The following SUPV3L1 variants were observed in gnomAD, a reference collection of about 807,000 sequenced individuals.
SUPV3L1 encodes ATP-dependent RNA helicase SUPV3L1, mitochondrial.
A neutral mutation model predicts 70.0 loss-of-function variants in SUPV3L1; 35 were observed. That is an observed-to-expected ratio of 0.50 (90% confidence interval 0.38 to 0.66). SUPV3L1 has a LOEUF of 0.66. Among genes scored for constraint, SUPV3L1 ranks in the 30% least tolerant of loss-of-function variants. The probability of loss-of-function intolerance (pLI) is 0.00; values close to 1 mark genes in which losing one functional copy is unlikely to be tolerated. For synonymous variants in SUPV3L1, 364 were observed against 341.9 expected, an observed-to-expected ratio of 1.06 and a Z score of -0.71; for missense variants, 777 against 961.5, an observed-to-expected ratio of 0.81 and a Z score of 2.54.
intron 4 of SUPV3L1, among the ~76,000 whole-genome samples, chr10:69,188,245 CCTT>C (rs1338786738): frequency 2.0e-5 from 3 of 152,322 alleles, no homozygotes; most frequent in South Asian, 2.1e-4. Flanking sequence ...TCTGGGCTCT[CCTT>C]CTATGCACCC....
intron 6 of SUPV3L1, 66 bp from the exon 7 acceptor site, chr10:69,195,122 G>A (rs1842507584): frequency 3.1e-6 from 4 of 1,302,208 alleles, no homozygotes; most frequent in African/African-American, 3.0e-5. Flanking sequence ...GAATTTTGGT[G>A]TTGGAATTTG....
Position 69,180,638 on chromosome 10 carries a change from C to T in SUPV3L1, c.271+76C>T. 3 of 1,560,668 alleles carry T rather than the reference C, an allele frequency of 1.9e-6. No homozygotes were observed. In the Admixed American group the frequency reaches 5.4e-5, roughly 28 times the overall value. On this transcript the variant is annotated intron_variant, in intron 1 of 14. Transcript: ENST00000359655. The stretch of plus-strand genomic sequence containing the variant: ...AGGCTGGTTGGGAGGAAGCTACATC[C>T]CCTTCCCCTGGGGATCCGAGGTCCC...
rs549656860 is a variant in SUPV3L1 at position 69,185,595 on chromosome 10, G to A, written c.272-392G>A. On this transcript the variant is annotated intron_variant, in intron 1 of 14. Coordinates refer to ENST00000359655, the MANE Select transcript of SUPV3L1 (RefSeq NM_003171.5). ...CGGCTCACTGCAAGCTCCGCCTCCCGGGTTCATGCCATTCTCCTGCCTCAG... is the reference window on the plus strand; with the variant it reads ...CGGCTCACTGCAAGCTCCGCCTCCCAGGTTCATGCCATTCTCCTGCCTCAG... Among the ~76,000 whole-genome samples the A allele has an allele frequency of 8.7e-5, 13 of 149,664 alleles. No homozygotes were observed. The South Asian group carries it at 2.1e-3, about 24-fold the overall frequency.
intron 3 of SUPV3L1, chr10:69,187,341 CTTTTTTTTTTTTTTT>C: frequency 1.3e-5 from 1 of 79,600 alleles, no homozygotes; most frequent in Non-Finnish European, 2.2e-5. Flanking sequence ...TCTTTTCTTC[CTTTTTTTTTTTTTTT>C]TTTTTTTTTT....
At chr10:69,186,107 T>C (rs1367889178) in intron 2 of SUPV3L1, 43 bp downstream of exon 2, 7 of 1,535,240 alleles carry the variant, frequency 4.6e-6, no homozygotes, top group Non-Finnish European at 6.3e-6. Context: ...TATTACCTCT[T>C]ACGGTACAGC....
rs201953351 is a variant in SUPV3L1 at position 69,208,808 on chromosome 10, G to A, written c.2134G>A (p.Gly712Ser). 36 of 1,614,010 alleles carry A rather than the reference G, an allele frequency of 2.2e-5. No individual in the cohort carries two copies. The highest frequency in any genetic ancestry group is 8.3e-5 in the Admixed American group (5 of 59,998). ...AAAGAGCCAAGCTAGAAGGACACGC[G>A]GCACCAAAGCTCTAGGGAGTAAAGC... Reference protein sequence around the residue: ...TLKSQARRTRGTKALGSKATE... With the variant: ...TLKSQARRTRSTKALGSKATE... The change falls in exon 15 of 15, where the codon GGC becomes AGC. Residue 712 changes from glycine to serine, a missense_variant. Gly to Ser is a moderately conservative substitution (Grantham distance 56, BLOSUM62 0). Transcript: ENST00000359655.
chr10:69,183,475 T>C (rs1842124508), intron 1 of SUPV3L1, among the ~76,000 whole-genome samples: 1 of 152,158 alleles, frequency 6.6e-6, no homozygotes, highest in Admixed American at 6.5e-5. Flanking sequence ...GCCCAGGAGC[T>C]CAAGACGAGC....
chr10:69,207,379 C>T (rs563560494), intron 13 of SUPV3L1, among the ~76,000 whole-genome samples: 1 of 152,310 alleles, frequency 6.6e-6, no homozygotes, highest in Non-Finnish European at 1.5e-5. Context: ...GTGGCACGAT[C>T]ATGGCGCACT....
At chr10:69,180,842 T>G (rs79119201) in intron 1 of SUPV3L1, among the ~76,000 whole-genome samples, 2,654 of 152,320 alleles carry the variant, frequency 0.017, 82 homozygotes, top group African/African-American at 0.06. Context: ...AAGATTTGAC[T>G]TTTTTGAGTT....
rs368785615 is a variant in SUPV3L1, at chr10:69,191,875, C to T, written c.853+109C>T. 1,594 of 706,390 alleles carry T rather than the reference C, an allele frequency of 2.3e-3. 17 individuals are homozygous for T. In the African/African-American group the frequency reaches 0.025, roughly 11 times the overall value. The allele number at this position is 706,390 out of a possible 1,614,324, so 43.8% of individuals were successfully genotyped here. A position where few individuals can be genotyped will look rare whatever the true frequency, so the allele number is the denominator to read the frequency against. ...AGGCTGGAATGCAATGGTACTATCT[C>T]GGCTCACTGCGACCTCTGCCTCCCC... On this transcript the variant is annotated intron_variant, in intron 6 of 14. Coordinates refer to ENST00000359655, the MANE Select transcript of SUPV3L1 (RefSeq NM_003171.5).
intron 9 of SUPV3L1, 30 bp from the exon 10 acceptor site, chr10:69,199,074 C>G: frequency 6.4e-7 from 1 of 1,555,544 alleles, no homozygotes; most frequent in Non-Finnish European, 8.8e-7. Context: ...ACTGAGAACA[C>G]TGATTTAACA....
chr10:69,198,525 G>C lies in SUPV3L1; in HGVS notation c.1177G>C (p.Ala393Pro). 6.2e-7 allele frequency: 1 copy of C among 1,614,014 alleles called. No individual in the cohort carries two copies. Among genetic ancestry groups the C allele is most frequent in the Non-Finnish European group, 8.5e-7 (1 of 1,179,992 alleles). Reference sequence around the variant, plus strand: ...GATTGAAATTCGGGGATTAGAATCAGCTGTTATATATGGCAGTCTCCCACC... The same window carrying C: ...GATTGAAATTCGGGGATTAGAATCACCTGTTATATATGGCAGTCTCCCACC... ...RQIEIRGLES[A>P]VIYGSLPPGT... The change falls in exon 9 of 15, where the codon GCT becomes CCT. Residue 393 changes from alanine to proline, a missense_variant. Ala to Pro is a conservative substitution (Grantham distance 27, BLOSUM62 -1). Transcript: ENST00000359655.
intron 6 of SUPV3L1, among the ~76,000 whole-genome samples, chr10:69,193,451 AG>A (rs1842451895): frequency 7.2e-6 from 1 of 138,684 alleles, no homozygotes; most frequent in Non-Finnish European, 1.5e-5. Context: ...ATCACGAAGT[AG>A]TTTTTTTTTT....
chr10:69,206,044 G>A (rs146610567), intron 13 of SUPV3L1, among the ~76,000 whole-genome samples: 4 of 151,796 alleles, frequency 2.6e-5, no homozygotes, highest in Middle Eastern at 3.4e-3. Flanking sequence ...ATGGATGGGC[G>A]GGCATCTCTC....
At chr10:69,196,913 A>G in intron 7 of SUPV3L1, 79 bp from the exon 8 acceptor site, 1 of 1,247,212 alleles carries the variant, frequency 8.0e-7, no homozygotes, top group Non-Finnish European at 1.2e-6. Context: ...AAGCCAACGT[A>G]AAGTACTTTG....
chr10:69,203,386 G>A (rs1219373701), intron 13 of SUPV3L1, among the ~76,000 whole-genome samples: 4 of 152,214 alleles, frequency 2.6e-5, no homozygotes, highest in Middle Eastern at 3.4e-3. Flanking sequence ...TACCAAGGCC[G>A]GGTGCAGTGG....
intron 10 of SUPV3L1, among the ~76,000 whole-genome samples, chr10:69,199,872 TCTCAC>T (rs1365269953): frequency 6.6e-6 from 1 of 152,006 alleles, no homozygotes; most frequent in East Asian, 1.9e-4. Context: ...TGAGACAGAG[TCTCAC>T]TCTGTGCCCC....
At position 69,180,558 on chromosome 10, in the gene SUPV3L1, C is replaced by T. The variant is rs35392688; in HGVS notation, c.267C>T (p.Asp89=). The T allele has an allele frequency of 3.2e-3, 5,136 of 1,613,836 alleles. 143 individuals are homozygous for T. In the African/African-American group the frequency reaches 0.058, roughly 18 times the overall value. Reference sequence around the variant, plus strand: ...GGGCCGAGCTAACCCGGCCTCTGGACAAGAGTGAGTGCGGGAACTACTGAG... The same window carrying T: ...GGGCCGAGCTAACCCGGCCTCTGGATAAGAGTGAGTGCGGGAACTACTGAG... ...DVGAELTRPL[D]KNEVKKVLDK... The change falls in exon 1 of 15, where the codon GAC becomes GAT. Residue 89 remains aspartate (D), a synonymous_variant. Transcript: ENST00000359655.
intron 5 of SUPV3L1, among the ~76,000 whole-genome samples, chr10:69,191,338 C>G (rs946209775): frequency 3.3e-5 from 5 of 151,582 alleles, no homozygotes; most frequent in African/African-American, 1.2e-4. Context: ...AAGTGATTCC[C>G]CTGCCTCAGC....
Sources: gnomAD v4.1 joint callset for allele counts (sites outside exome capture counted in the v4.1 genomes callset) on GRCh38, gnomAD v4.1.1 for gene constraint, MANE v1.5 for transcripts, NCBI Gene and HGNC (gene_info 2026-07-23, HGNC 2026-07-21) for gene names.